The following FHIT variants were observed in gnomAD, a reference collection of about 807,000 sequenced individuals.
FHIT encodes the protein bis(5'-adenosyl)-triphosphatase.
In FHIT, 19 loss-of-function variants were observed where a neutral mutation model predicts 17.9. The ratio of observed to expected loss-of-function variants is 1.06; its 90% CI spans 0.74 to 1.56. FHIT has a LOEUF of 1.56. Ranked by LOEUF, FHIT falls within the 40% of genes most tolerant of loss-of-function variation. The probability of loss-of-function intolerance (pLI) is 0.00; values close to 1 mark genes in which losing one functional copy is unlikely to be tolerated. For synonymous variants in FHIT, 81 were observed against 69.7 expected, an observed-to-expected ratio of 1.16 and a Z score of -0.81; for missense variants, 248 against 189.2, an observed-to-expected ratio of 1.31 and a Z score of -1.82.
intron 7 of FHIT, among the ~76,000 whole-genome samples, chr3:59,942,919 G>C (rs1056161947): frequency 2.0e-5 from 3 of 152,050 alleles, no homozygotes; most frequent in Non-Finnish European, 4.4e-5. Flanking sequence ...AAAGTGCTGG[G>C]ATTACAAGCA....
At chr3:59,924,926 C>G (rs760787985) in intron 7 of FHIT, among the ~76,000 whole-genome samples, 1 of 152,212 alleles carries the variant, frequency 6.6e-6, no homozygotes, top group Non-Finnish European at 1.5e-5. Flanking sequence ...GGTTTCTTAC[C>G]TTGCTTCTGC....
At chr3:60,218,693 A>T (rs1441671677) in intron 5 of FHIT, among the ~76,000 whole-genome samples, 1 of 152,086 alleles carries the variant, frequency 6.6e-6, no homozygotes, top group African/African-American at 2.4e-5. Flanking sequence ...GATGACTGTG[A>T]TATCAACAAA....
chr3:61,118,733 G>T (rs1576047486), intron 2 of FHIT, among the ~76,000 whole-genome samples: 1 of 152,166 alleles, frequency 6.6e-6, no homozygotes, highest in East Asian at 1.9e-4. Flanking sequence ...ACCTACTGGA[G>T]TGTTGTTGTA....
At chr3:60,427,575 C>T (rs1025680460) in intron 5 of FHIT, among the ~76,000 whole-genome samples, 1 of 152,112 alleles carries the variant, frequency 6.6e-6, no homozygotes, top group Non-Finnish European at 1.5e-5. Flanking sequence ...TCTGCCTTCC[C>T]TCTGTCTTTT....
intron 3 of FHIT, among the ~76,000 whole-genome samples, chr3:60,965,238 G>C (rs956961273): frequency 3.9e-5 from 6 of 152,000 alleles, no homozygotes; most frequent in Non-Finnish European, 7.3e-5. Flanking sequence ...ACTGAAGCTT[G>C]TGCATGCATC....
intron 8 of FHIT, among the ~76,000 whole-genome samples, chr3:59,920,817 C>T (rs1439050695): frequency 2.0e-5 from 3 of 152,172 alleles, no homozygotes; most frequent in East Asian, 1.9e-4. Context: ...AAGCCCTTAT[C>T]AATCCCCAAA....
At chr3:60,797,455 CAGTAGTAGTAGTAGTAGT>C (rs59090057) in intron 4 of FHIT, among the ~76,000 whole-genome samples, 10,760 of 148,062 alleles carry the variant, frequency 0.073, 456 homozygotes, top group South Asian at 0.1. Flanking sequence ...AAAGAAATTG[CAGTAGTAGTAGTAGTAGT>C]AGTAGTAGTA....
chr3:60,057,002 C>T (rs1020052090), intron 5 of FHIT, among the ~76,000 whole-genome samples: 41 of 152,200 alleles, frequency 2.7e-4, no homozygotes, highest in African/African-American at 9.4e-4. Flanking sequence ...GCTCTGGGAA[C>T]TTGGGATGCT....
At chr3:60,098,449 CA>C (rs1704056433) in intron 5 of FHIT, among the ~76,000 whole-genome samples, 1 of 151,610 alleles carries the variant, frequency 6.6e-6, no homozygotes, top group South Asian at 2.1e-4. Context: ...TTTTGATTTG[CA>C]TTTCTCTGAT....
intron 5 of FHIT, among the ~76,000 whole-genome samples, chr3:60,423,163 G>C (rs1702539063): frequency 6.6e-6 from 1 of 152,114 alleles, no homozygotes; most frequent in South Asian, 2.1e-4. Flanking sequence ...AAGCACTATA[G>C]ATGGTAGAGT....
chr3:60,420,398 AT>A (rs1702423942), intron 5 of FHIT, among the ~76,000 whole-genome samples: 1 of 152,174 alleles, frequency 6.6e-6, no homozygotes, highest in South Asian at 2.1e-4. Context: ...GCAATAAATA[AT>A]TTTGTATATA....
chr3:59,963,409 G>A (rs556646511), intron 7 of FHIT, among the ~76,000 whole-genome samples: 1 of 152,188 alleles, frequency 6.6e-6, no homozygotes, highest in Admixed American at 6.5e-5. Context: ...TTAAATGCTA[G>A]TACCGTTAGT....
intron 7 of FHIT, among the ~76,000 whole-genome samples, chr3:59,984,148 T>C (rs1056707027): frequency 1.3e-5 from 2 of 152,112 alleles, no homozygotes; most frequent in Non-Finnish European, 2.9e-5. Flanking sequence ...TTCCCAGTAG[T>C]AGCAGGAGAT....
At chr3:60,424,144 G>A (rs1247924223) in intron 5 of FHIT, among the ~76,000 whole-genome samples, 1 of 151,996 alleles carries the variant, frequency 6.6e-6, no homozygotes, top group African/African-American at 2.4e-5. Flanking sequence ...TTATTTTACT[G>A]ATGAGAACAC....
chr3:59,997,882 A>ATCTTTTATT (rs1699579790), intron 7 of FHIT, among the ~76,000 whole-genome samples: 2 of 152,090 alleles, frequency 1.3e-5, no homozygotes, highest in African/African-American at 4.8e-5. Flanking sequence ...TGCTGTGGCT[A>ATCTTTTATT]TCTTTTATTT....
chr3:61,070,171 G>T (rs779194788), intron 2 of FHIT, among the ~76,000 whole-genome samples: 13 of 152,150 alleles, frequency 8.5e-5, no homozygotes, highest in Admixed American at 2.0e-4. Flanking sequence ...TGAGATTACA[G>T]GCATGAGCCG....
chr3:60,617,200 C>A, intron 4 of FHIT: 1 of 186,734 alleles, frequency 5.4e-6, no homozygotes, highest in Admixed American at 5.0e-5. Context: ...CACTCTTGAA[C>A]GTCTTTCAAA....
chr3:60,173,916 T>TATATA lies in FHIT; in HGVS notation c.104-159765_104-159764insTATAT, dbSNP rs1343702595. 3.8e-3 allele frequency among the ~76,000 whole-genome samples: 259 copies of TATATA among 68,036 alleles called. 9 individuals are homozygous for TATATA. Among genetic ancestry groups the TATATA allele is most frequent in the Non-Finnish European group, 6.1e-3 (224 of 36,676 alleles). 44.6% of individuals were successfully genotyped at this position (68,036 alleles called of 152,430 possible). ...ATATATATATATATATATATATATA[T>TATATA]GTTTTTTTTTTTTTTTGAGATCGAG... On this transcript the variant is annotated intron_variant, in intron 5 of 9. Coordinates refer to ENST00000492590, the MANE Select transcript of FHIT (RefSeq NM_002012.4).
chr3:60,320,965 G>A (rs1336137422), intron 5 of FHIT, among the ~76,000 whole-genome samples: 2 of 152,176 alleles, frequency 1.3e-5, no homozygotes, highest in East Asian at 3.9e-4. Flanking sequence ...TAAATCAAAT[G>A]ACATGGCCAT....
Sources: allele counts gnomAD v4.1 joint callset (sites outside exome capture counted in the v4.1 genomes callset), GRCh38; gene constraint gnomAD v4.1.1; transcripts MANE v1.5; gene names NCBI Gene and HGNC (gene_info 2026-07-23, HGNC 2026-07-21).